The following NUP160 variants were observed in gnomAD, a reference collection of about 807,000 sequenced individuals.
The protein encoded by NUP160 is nucleoporin 160.
NUP160 carries 94 observed loss-of-function variants against 196.9 expected under a neutral mutation model. That is an observed-to-expected ratio of 0.48 (90% CI 0.40 to 0.57). The LOEUF (loss-of-function observed/expected upper bound fraction) is 0.57. NUP160 is among the 20% of genes least tolerant of loss of function. The probability of loss-of-function intolerance (pLI) is 0.00; values close to 1 mark genes in which losing one functional copy is unlikely to be tolerated. For synonymous variants in NUP160, 605 were observed against 619.7 expected (o/e 0.98, Z 0.35); for missense variants, 1,638 against 1,748.3 (o/e 0.94, Z 1.13).
chr11:47,807,538 G>A (rs1468265876), intron 18 of NUP160, among the ~76,000 whole-genome samples: 2 of 151,978 alleles, frequency 1.3e-5, no homozygotes, highest in African/African-American at 4.8e-5. Flanking sequence ...GTGATGGCAG[G>A]CGCCTCTAAA....
intron 2 of NUP160, chr11:47,841,270 T>A (rs962776450): frequency 1.9e-5 from 5 of 264,934 alleles, no homozygotes; most frequent in African/African-American, 1.1e-4. Context: ...AAGGAGCCAC[T>A]GGCAGCCACA....
chr11:47,785,927 T>C (rs1356963241), intron 32 of NUP160, among the ~76,000 whole-genome samples: 1 of 152,202 alleles, frequency 6.6e-6, no homozygotes, highest in Non-Finnish European at 1.5e-5. Context: ...GGGTTAGGAA[T>C]GTTAGAGAAG....
At chr11:47,790,371 T>C (rs577571800) in intron 29 of NUP160, among the ~76,000 whole-genome samples, 1 of 152,232 alleles carries the variant, frequency 6.6e-6, no homozygotes, top group East Asian at 1.9e-4. Context: ...GCAATTCTCC[T>C]GCCTCAGCCA....
intron 19 of NUP160, among the ~76,000 whole-genome samples, chr11:47,806,850 C>CATATAT (rs1163911031): frequency 8.8e-6 from 1 of 113,620 alleles, no homozygotes; most frequent in African/African-American, 3.3e-5. Context: ...CACACACACA[C>CATATAT]ACATATATAT....
At chr11:47,847,768 A>G in intron 2 of NUP160, 80 bp downstream of exon 2, 2 of 880,482 alleles carry the variant, frequency 2.3e-6, no homozygotes, top group South Asian at 2.6e-5. Context: ...CGCTTCTAGA[A>G]TAGCACTTTG....
At chr11:47,837,682 G>A in intron 4 of NUP160, 59 bp from the exon 5 acceptor site, 1 of 1,295,362 alleles carries the variant, frequency 7.7e-7, no homozygotes, top group Non-Finnish European at 1.1e-6. Context: ...AGGCAAGAAT[G>A]ATGTAACCAT....
chr11:47,798,142 T>C, intron 25 of NUP160, 26 bp downstream of exon 25: 3 of 1,578,734 alleles, frequency 1.9e-6, no homozygotes, highest in Non-Finnish European at 2.6e-6. Flanking sequence ...GTAAATTGTC[T>C]TCTCTAAAAA....
exon 15 of NUP160, chr11:47,812,949 A>G (rs2097682021): frequency 6.2e-7 from 1 of 1,613,332 alleles, no homozygotes; most frequent in South Asian, 1.1e-5. Context: ...AGGTTATAAC[A>G]ACTCATTTCC....
intron 18 of NUP160, among the ~76,000 whole-genome samples, chr11:47,807,387 G>A (rs546380723): frequency 2.0e-5 from 3 of 152,214 alleles, no homozygotes; most frequent in South Asian, 2.1e-4. Context: ...GAATCTCGGC[G>A]GGGTGTGGTG....
At chr11:47,842,436 A>T (rs1409964855) in intron 2 of NUP160, among the ~76,000 whole-genome samples, 2 of 152,128 alleles carry the variant, frequency 1.3e-5, no homozygotes, top group African/African-American at 4.8e-5. Context: ...TTAAAGTTGG[A>T]TCCTGGATCT....
chr11:47,779,118 C>T lies in NUP160; in HGVS notation c.4298G>A (p.Arg1433His), dbSNP rs189349575. The change falls in exon 36 of 36, where the codon CGT becomes CAT. Residue 1433 changes from arginine to histidine, a missense_variant. This residue lies in a region of NUP160 where 1,345 missense variants were observed against 1,470.2 expected (regional missense o/e 0.91). Coordinates refer to ENST00000378460, the Ensembl canonical transcript of NUP160. ...TGACAATCCAAATCACAAGGTCCGA[C>T]GATATAATAAATCCCGTGTTGCCTT... 33 of 1,613,202 alleles carry T rather than the reference C, an allele frequency of 2.0e-5. No homozygotes were observed. In the Admixed American group the frequency reaches 3.3e-4, roughly 16 times the overall value.
At chr11:47,795,710 A>G (rs1395386987) in intron 27 of NUP160, among the ~76,000 whole-genome samples, 1 of 152,190 alleles carries the variant, frequency 6.6e-6, no homozygotes, top group African/African-American at 2.4e-5. Flanking sequence ...CATTCTACAA[A>G]AATGACTGAC....
At chr11:47,845,660 C>T (rs966672702) in intron 2 of NUP160, among the ~76,000 whole-genome samples, 2 of 152,114 alleles carry the variant, frequency 1.3e-5, no homozygotes, top group African/African-American at 4.8e-5. Flanking sequence ...ATCCCTGTTC[C>T]CTAAAAACGG....
chr11:47,793,865 C>T (rs959580882), intron 27 of NUP160, among the ~76,000 whole-genome samples: 2 of 150,748 alleles, frequency 1.3e-5, no homozygotes, highest in African/African-American at 2.4e-5. Context: ...CTCAGCCCCA[C>T]AAGTAGCCAG....
At chr11:47,783,038 C>A in intron 34 of NUP160, 35 bp downstream of exon 34, 1 of 1,582,048 alleles carries the variant, frequency 6.3e-7, no homozygotes, top group Non-Finnish European at 8.7e-7. Flanking sequence ...GTAAGTCAAA[C>A]CATTGTAAAT....
rs778329549 is a variant in NUP160, at chr11:47,801,965, A to T, written c.2776-35T>A. 29 of 1,607,486 alleles carry T rather than the reference A, an allele frequency of 1.8e-5. 1 individual carries two copies. The South Asian group carries it at 2.1e-4, about 12-fold the overall frequency. ...TAAAATATAAAATGACTTGTAACAG[A>T]TCATTCAAATTCTAGGTGCTATGAA... On this transcript the variant is annotated intron_variant, in intron 22 of 35. Coordinates refer to ENST00000378460, the Ensembl canonical transcript of NUP160.
intron 7 of NUP160, among the ~76,000 whole-genome samples, chr11:47,830,828 T>C (rs1852059082): frequency 6.6e-6 from 1 of 151,328 alleles, no homozygotes; most frequent in Admixed American, 6.6e-5. Context: ...ACCTATGTAA[T>C]AAAGCTTCAC....
chr11:47,802,328 G>C (rs964531952), intron 22 of NUP160, among the ~76,000 whole-genome samples: 7 of 152,150 alleles, frequency 4.6e-5, no homozygotes, highest in Admixed American at 1.3e-4. Flanking sequence ...CTACTCAGGA[G>C]GCTGAGGCAG....
intron 6 of NUP160, among the ~76,000 whole-genome samples, chr11:47,836,585 C>T (rs1174202614): frequency 6.6e-6 from 1 of 151,828 alleles, no homozygotes; most frequent in African/African-American, 2.4e-5. Context: ...TGTACTCCAG[C>T]CTGGGTGACA....
Sources: gnomAD v4.1 joint callset for allele counts (sites outside exome capture counted in the v4.1 genomes callset) on GRCh38, gnomAD v4.1.1 for gene constraint, gnomAD v4.1.1 regional missense constraint, MANE v1.5 for transcripts, NCBI Gene and HGNC (gene_info 2026-07-23, HGNC 2026-07-21) for gene names.